MPDZ: variants seen among roughly 807,000 people sequenced by gnomAD.
MPDZ encodes multiple PDZ domain crumbs cell polarity complex component.
MPDZ carries 234 observed loss-of-function variants against 239.1 expected under a neutral mutation model. The observed-to-expected ratio is 0.98, with a 90% CI of 0.88 to 1.09. MPDZ has a LOEUF of 1.09. Ranked by LOEUF, MPDZ falls within the 50% of genes least tolerant of loss-of-function variation. MPDZ has a pLI of 0.00. For synonymous variants in MPDZ, 1,048 were observed against 881.3 expected, an observed-to-expected ratio of 1.19 and a Z score of -3.35; for missense variants, 3,175 against 2,510.0, an observed-to-expected ratio of 1.26 and a Z score of -5.66.
chr9:13,199,791 C>G (rs550693489), intron 12 of MPDZ, among the ~76,000 whole-genome samples: 16 of 151,968 alleles, frequency 1.1e-4, no homozygotes, highest in Non-Finnish European at 2.2e-4. Context: ...GAAACATCCT[C>G]GCATCCTTGG....
chr9:13,221,189 C>A (rs1196796001), intron 7 of MPDZ, among the ~76,000 whole-genome samples, 183 bp downstream of exon 7: 1 of 151,928 alleles, frequency 6.6e-6, no homozygotes, highest in Admixed American at 6.6e-5. Context: ...TGTCCCTTTT[C>A]AAAGGTATTC....
intron 1 of MPDZ, among the ~76,000 whole-genome samples, chr9:13,262,642 C>T (rs1446091345): frequency 6.6e-6 from 1 of 150,590 alleles, no homozygotes; most frequent in Non-Finnish European, 1.5e-5. Flanking sequence ...AATACTCTAG[C>T]AATCTAAAAG....
At chr9:13,111,818 T>C (rs1261893318) in intron 43 of MPDZ, among the ~76,000 whole-genome samples, 1 of 152,232 alleles carries the variant, frequency 6.6e-6, no homozygotes, top group Non-Finnish European at 1.5e-5. Context: ...TAAATCTTCC[T>C]ATTTAACTGC....
chr9:13,157,337 T>C (rs947713575), intron 24 of MPDZ, among the ~76,000 whole-genome samples: 1 of 152,202 alleles, frequency 6.6e-6, no homozygotes, highest in African/African-American at 2.4e-5. Flanking sequence ...CCCAGCCAAG[T>C]ACATTAGAGG....
chr9:13,220,508 C>T (rs979025076), intron 7 of MPDZ, among the ~76,000 whole-genome samples: 2 of 151,850 alleles, frequency 1.3e-5, no homozygotes, highest in African/African-American at 4.8e-5. Context: ...AGTGCAGCTC[C>T]ACATTGAAGA....
chr9:13,172,583 C>T (rs973221099), intron 21 of MPDZ, among the ~76,000 whole-genome samples: 3 of 152,002 alleles, frequency 2.0e-5, no homozygotes, highest in Admixed American at 6.6e-5. Flanking sequence ...GACGGGGTTT[C>T]GCCATGTTGG....
At chr9:13,188,230 T>C (rs1460907269) in intron 17 of MPDZ, among the ~76,000 whole-genome samples, 1 of 152,138 alleles carries the variant, frequency 6.6e-6, no homozygotes, top group Non-Finnish European at 1.5e-5. Flanking sequence ...AAATATAAAA[T>C]GTTAAGGCTG....
At chr9:13,107,531 A>C (rs890673603) in intron 46 of MPDZ, among the ~76,000 whole-genome samples, 2 of 152,194 alleles carry the variant, frequency 1.3e-5, no homozygotes, top group African/African-American at 4.8e-5. Context: ...TTACAGGACA[A>C]GGGCTTGGGG....
rs867454948 is a variant in MPDZ at position 13,162,259 on chromosome 9, G to C, written c.3359+432C>G. ...AGCCTGAGCAACAGAGTGAGGCTCTGCCTCAAAAAAAAAAAAAAGAAAAAA... is the reference window on the plus strand; with the variant it reads ...AGCCTGAGCAACAGAGTGAGGCTCTCCCTCAAAAAAAAAAAAAAGAAAAAA... On this transcript the variant is annotated intron_variant, in intron 23 of 46. Coordinates refer to ENST00000319217, the MANE Select transcript of MPDZ (RefSeq NM_001378778.1). 2.5e-5 allele frequency among the ~76,000 whole-genome samples: 3 copies of C among 119,860 alleles called. No homozygotes were observed. In the East Asian group the frequency reaches 7.2e-4, roughly 29 times the overall value. 78.6% of individuals were successfully genotyped at this position (119,860 alleles called of 152,430 possible).
rs1270068546 is a variant in MPDZ at position 13,279,568 on chromosome 9, G to C, written c.-226C>G. 1 of 149,518 alleles carries C rather than the reference G, an allele frequency of 6.7e-6. No homozygotes were observed. The highest frequency in any genetic ancestry group is 2.0e-4 in the East Asian group (1 of 5,070). 9.3% of individuals were successfully genotyped at this position (149,518 alleles called of 1,614,324 possible). On this transcript the variant is annotated 5_prime_UTR_variant, in exon 1 of 47. Coordinates refer to ENST00000319217, the MANE Select transcript of MPDZ (RefSeq NM_001378778.1). ...TCAAAACGCACAGACACTCACGCGT[G>C]ACTGAGAAACTTAATCCCGCGGTGG...
intron 3 of MPDZ, among the ~76,000 whole-genome samples, chr9:13,241,800 C>T (rs1303928985): frequency 6.6e-6 from 1 of 152,168 alleles, no homozygotes; most frequent in African/African-American, 2.4e-5. Context: ...CATACCTCAA[C>T]ACTTTGGCCA....
intron 1 of MPDZ, among the ~76,000 whole-genome samples, chr9:13,272,252 T>A (rs948672853): frequency 3.9e-5 from 6 of 152,186 alleles, no homozygotes; most frequent in Admixed American, 3.3e-4. Context: ...AGGTTGACTT[T>A]AGCATCCAAC....
In MPDZ at chr9:13,112,092, C is replaced by G. The variant is rs747113438; in HGVS notation, c.5656G>C (p.Gly1886Arg). ...SIAGGVGSPL[G>R]DVPIFIAMMH... is the part of the protein sequence containing the mutation. ...ATTGCAATAAATATAGGCACATCAC[C>G]AAGTGGGCTGCCTACTCCTCCAGCG... Residue 1886 changes from glycine (G) to arginine (R), a missense_variant, in exon 43 of 47, where the codon GGT becomes CGT. Physicochemically the swap from Gly to Arg is moderately radical, Grantham distance 125. Coordinates refer to ENST00000319217, the MANE Select transcript of MPDZ (RefSeq NM_001378778.1). 1.2e-6 allele frequency: 2 copies of G among 1,613,270 alleles called. No individual in the cohort carries two copies. The highest frequency in any genetic ancestry group is 4.5e-5 in the East Asian group (2 of 44,860).
At chr9:13,204,970 T>A (rs1956829233) in intron 12 of MPDZ, 66 bp downstream of exon 12, 1 of 1,110,390 alleles carries the variant, frequency 9.0e-7, no homozygotes, top group African/African-American at 1.7e-5. Flanking sequence ...TTAATCACAT[T>A]TGTAAAAATC....
intron 1 of MPDZ, among the ~76,000 whole-genome samples, chr9:13,253,893 C>T (rs974225741): frequency 3.3e-5 from 5 of 152,178 alleles, no homozygotes; most frequent in Admixed American, 2.6e-4. Context: ...CAATTAAGTC[C>T]TTTAATACTT....
At chr9:13,138,229 A>G (rs897342707) in intron 28 of MPDZ, 76 bp from the exon 29 acceptor site, 7 of 1,372,522 alleles carry the variant, frequency 5.1e-6, no homozygotes, top group Non-Finnish European at 6.7e-6. Flanking sequence ...AAAGCTATTT[A>G]GTTTTACCTC....
At position 13,242,935 on chromosome 9, in the gene MPDZ, C is replaced by G. The variant is rs149297745; in HGVS notation, c.183+4700G>C. Reference sequence around the variant, plus strand: ...CCAGTCACGACAGTAAGAACTAACTCCAGACATTGCCAAGTTTCCCTCGGG... The same window carrying G: ...CCAGTCACGACAGTAAGAACTAACTGCAGACATTGCCAAGTTTCCCTCGGG... On this transcript the variant is annotated intron_variant, in intron 3 of 46. Transcript: ENST00000319217. 4.8e-3 allele frequency among the ~76,000 whole-genome samples: 730 copies of G among 152,300 alleles called. 4 individuals are homozygous for G. Among genetic ancestry groups the G allele is most frequent in the African/African-American group, 0.016 (648 of 41,558 alleles).
At chr9:13,206,626 C>T (rs1957031104) in intron 10 of MPDZ, among the ~76,000 whole-genome samples, 1 of 151,828 alleles carries the variant, frequency 6.6e-6, no homozygotes, top group African/African-American at 2.4e-5. Flanking sequence ...TCATTGCAAC[C>T]TCCACCTCCC....
At chr9:13,187,640 A>C (rs1954301611) in intron 17 of MPDZ, among the ~76,000 whole-genome samples, 1 of 152,224 alleles carries the variant, frequency 6.6e-6, no homozygotes, top group Non-Finnish European at 1.5e-5. Context: ...AAAGTGGTGC[A>C]CAAAACTTTG....
Sources: allele counts gnomAD v4.1 joint callset (sites outside exome capture counted in the v4.1 genomes callset), GRCh38; gene constraint gnomAD v4.1.1; transcripts MANE v1.5; gene names NCBI Gene and HGNC (gene_info 2026-07-23, HGNC 2026-07-21).